The following SLC9A8 variants were observed in gnomAD, a reference collection of about 807,000 sequenced individuals.
The protein encoded by SLC9A8 is solute carrier family 9 member A8, also known as sodium/hydrogen exchanger 8.
In SLC9A8, 48 loss-of-function variants were observed where a neutral mutation model predicts 66.6. The observed-to-expected ratio is 0.72, with a 90% CI of 0.57 to 0.92. SLC9A8 has a LOEUF of 0.92. Among genes scored for constraint, SLC9A8 ranks in the 40% least tolerant of loss-of-function variants. The probability of loss-of-function intolerance (pLI) is 0.00; values close to 1 mark genes in which losing one functional copy is unlikely to be tolerated. For synonymous variants in SLC9A8, 274 were observed against 282.6 expected, an observed-to-expected ratio of 0.97 and a Z score of 0.31; for missense variants, 599 against 747.3, an observed-to-expected ratio of 0.80 and a Z score of 2.31.
chr20:49,839,257 G>A (rs1031977590), intron 3 of SLC9A8, among the ~76,000 whole-genome samples: 12 of 152,088 alleles, frequency 7.9e-5, no homozygotes, highest in African/African-American at 1.7e-4. Flanking sequence ...AATGATAGGC[G>A]GTAAATCTTC....
chr20:49,826,886 T>A (rs1488339271), intron 3 of SLC9A8, among the ~76,000 whole-genome samples: 1 of 152,190 alleles, frequency 6.6e-6, no homozygotes, highest in Non-Finnish European at 1.5e-5. Context: ...TAGTTTAATT[T>A]GAGTTTATAT....
intron 3 of SLC9A8, among the ~76,000 whole-genome samples, chr20:49,833,896 CT>C (rs2146525246): frequency 6.6e-6 from 1 of 152,150 alleles, no homozygotes; most frequent in East Asian, 1.9e-4. Context: ...AATGTTAGAA[CT>C]TGTGTTTCTA....
chr20:49,820,151 TTCCGG>T (rs2086681169), intron 2 of SLC9A8, among the ~76,000 whole-genome samples: 1 of 152,162 alleles, frequency 6.6e-6, no homozygotes, highest in African/African-American at 2.4e-5. Flanking sequence ...TTTACAAGGG[TTCCGG>T]TTTCTCCATG....
intron 8 of SLC9A8, among the ~76,000 whole-genome samples, chr20:49,861,325 C>T (rs1288207311): frequency 6.6e-6 from 1 of 152,194 alleles, no homozygotes; most frequent in Non-Finnish European, 1.5e-5. Flanking sequence ...AGGCGAATCA[C>T]TTGAGCCCAG....
intron 11 of SLC9A8, 22 bp from the exon 12 acceptor site, chr20:49,877,959 T>G: frequency 6.5e-7 from 1 of 1,548,170 alleles, no homozygotes. Flanking sequence ...GGTTGAATAA[T>G]CCATTCTTTG....
intron 2 of SLC9A8, 56 bp from the exon 3 acceptor site, chr20:49,823,005 T>C: frequency 7.0e-7 from 1 of 1,421,934 alleles, no homozygotes; most frequent in Middle Eastern, 2.2e-4. Context: ...ACTTGGTGTT[T>C]ATCATTCAGA....
intron 8 of SLC9A8, among the ~76,000 whole-genome samples, chr20:49,861,209 A>G (rs1188914035): frequency 2.0e-5 from 3 of 152,190 alleles, no homozygotes; most frequent in Non-Finnish European, 4.4e-5. Flanking sequence ...GCTTCCTGAT[A>G]ACGTCGGGAA....
chr20:49,827,238 G>A (rs2086947499), intron 3 of SLC9A8, among the ~76,000 whole-genome samples: 2 of 150,922 alleles, frequency 1.3e-5, no homozygotes, highest in African/African-American at 2.4e-5. Context: ...CACTGTGCCC[G>A]GCCCATATTT....
At chr20:49,857,909 G>A (rs73125653) in intron 8 of SLC9A8, among the ~76,000 whole-genome samples, 1 of 152,204 alleles carries the variant, frequency 6.6e-6, no homozygotes, top group Non-Finnish European at 1.5e-5. Flanking sequence ...GTGCTCAACA[G>A]GCCTTAAAAA....
At chr20:49,814,274 G>A (rs1290155486) in intron 1 of SLC9A8, among the ~76,000 whole-genome samples, 1 of 152,176 alleles carries the variant, frequency 6.6e-6, no homozygotes, top group African/African-American at 2.4e-5. Flanking sequence ...TTATGCATGA[G>A]TAAAAAACGG....
rs151125508 is a variant in SLC9A8 at position 49,826,407 on chromosome 20, G to C, written c.289+3266G>C. Among the ~76,000 whole-genome samples the C allele has an allele frequency of 3.0e-3, 450 of 152,278 alleles. 14 individuals carry two copies. In the East Asian group the frequency reaches 0.058, roughly 20 times the overall value. Reference sequence around the variant, plus strand: ...AGTTGCCAGAGAAAGTATGGTTTTCGTTCTTTCAGGGATAAATTTTCCTCT... The same window carrying C: ...AGTTGCCAGAGAAAGTATGGTTTTCCTTCTTTCAGGGATAAATTTTCCTCT... On this transcript the variant is annotated intron_variant, in intron 3 of 15. Transcript: ENST00000361573.
In SLC9A8 at chr20:49,884,219, C is replaced by CACACACACACG. The variant is rs2089743689; in HGVS notation, c.1491+163_1491+164insGACACACACAC. Reference sequence around the variant, plus strand: ...CACACGACACACACACACACACACACACACACACACACACACACACACGAC... The same window carrying CACACACACACG: ...CACACGACACACACACACACACACACACACACACACGACACACACACACACACACACACGAC... On this transcript the variant is annotated intron_variant, in intron 14 of 15. Transcript: ENST00000361573. The CACACACACACG allele has an allele frequency of 1.2e-5, 4 of 328,096 alleles. No homozygotes were observed. The East Asian group carries it at 1.6e-4, about 13-fold the overall frequency. 20.3% of individuals were successfully genotyped at this position (328,096 alleles called of 1,614,324 possible).
chr20:49,834,416 T>C (rs866326763), intron 3 of SLC9A8, among the ~76,000 whole-genome samples: 4 of 47,558 alleles, frequency 8.4e-5, no homozygotes, highest in Admixed American at 2.1e-4. Context: ...TATATATATA[T>C]ACTGTATATA....
intron 2 of SLC9A8, among the ~76,000 whole-genome samples, chr20:49,821,922 G>C (rs955435944): frequency 1.3e-5 from 2 of 152,158 alleles, no homozygotes; most frequent in African/African-American, 4.8e-5. Flanking sequence ...CCAAGTGGGA[G>C]GTGGTGGGGT....
rs553349812 is a variant in SLC9A8, at chr20:49,830,967, G to C, written c.289+7826G>C. 7.7e-6 allele frequency: 6 copies of C among 774,900 alleles called. No individual in the cohort carries two copies. The South Asian group carries it at 8.0e-5, about 10-fold the overall frequency. The allele number at this position is 774,900 out of a possible 1,614,324, so 48.0% of individuals were successfully genotyped here. A position where few individuals can be genotyped will look rare whatever the true frequency, so the allele number is the denominator to read the frequency against. ...GATCTCTGCTTAGCCATTGCGCTGG[G>C]CAATGCGGTCAACTCTCTGACTCCC... On this transcript the variant is annotated intron_variant, in intron 3 of 15. Transcript: ENST00000361573.
chr20:49,830,811 G>T, intron 3 of SLC9A8: 2 of 1,269,412 alleles, frequency 1.6e-6, no homozygotes, highest in South Asian at 2.4e-5. Context: ...CTAGGTGACA[G>T]ATCAGGCCCA....
intron 6 of SLC9A8, among the ~76,000 whole-genome samples, chr20:49,850,466 T>C (rs1160653377): frequency 6.6e-6 from 1 of 152,220 alleles, no homozygotes; most frequent in African/African-American, 2.4e-5. Context: ...CCCATTCCAT[T>C]GGATTTTCAC....
chr20:49,890,080 T>TG lies in SLC9A8; in HGVS notation c.*2149dup, dbSNP rs927843000. On this transcript the variant is annotated 3_prime_UTR_variant, in exon 16 of 16. Coordinates refer to ENST00000361573, the MANE Select transcript of SLC9A8 (RefSeq NM_015266.3). Reference sequence around the variant, plus strand: ...TTGGTGGAGGGGCCCCAGGATTTGTTGGGGGCAAAGGGGGTGGCGGGACCG... The same window carrying TG: ...TTGGTGGAGGGGCCCCAGGATTTGTTGGGGGGCAAAGGGGGTGGCGGGACCG... 1.1e-4 allele frequency: 16 copies of TG among 152,032 alleles called. No individual in the cohort carries two copies. The highest frequency in any genetic ancestry group is 8.5e-4 in the Admixed American group (13 of 15,270). The allele number at this position is 152,032 out of a possible 1,614,324, so 9.4% of individuals were successfully genotyped here.
At chr20:49,842,150 A>G (rs1032817470) in intron 4 of SLC9A8, among the ~76,000 whole-genome samples, 7 of 151,166 alleles carry the variant, frequency 4.6e-5, no homozygotes, top group South Asian at 2.1e-4. Context: ...GCTCACTGCA[A>G]CCTCCGCCTC....
Sources: allele counts gnomAD v4.1 joint callset (sites outside exome capture counted in the v4.1 genomes callset), GRCh38; gene constraint gnomAD v4.1.1; transcripts MANE v1.5; gene names NCBI Gene and HGNC (gene_info 2026-07-23, HGNC 2026-07-21).